The following CPNE8 variants were observed in gnomAD, a reference collection of about 807,000 sequenced individuals.
CPNE8 encodes copine 8, also known as copine-8.
CPNE8 carries 45 observed loss-of-function variants against 81.5 expected under a neutral mutation model. The ratio of observed to expected loss-of-function variants is 0.55; its 90% CI spans 0.44 to 0.71. CPNE8 has a LOEUF of 0.71. Ranked by LOEUF, CPNE8 falls within the 30% of genes least tolerant of loss-of-function variation. CPNE8 has a pLI of 0.00. For synonymous variants in CPNE8, 252 were observed against 226.3 expected, an observed-to-expected ratio of 1.11 and a Z score of -1.02; for missense variants, 594 against 672.1, an observed-to-expected ratio of 0.88 and a Z score of 1.28.
At chr12:38,901,456 T>G (rs1944460834) in intron 1 of CPNE8, among the ~76,000 whole-genome samples, 2 of 152,324 alleles carry the variant, frequency 1.3e-5, no homozygotes, top group Admixed American at 6.5e-5. Flanking sequence ...TGGGTTTACC[T>G]CATTCTATAG....
intron 6 of CPNE8, among the ~76,000 whole-genome samples, chr12:38,805,620 C>A (rs1181460657): frequency 9.5e-6 from 1 of 105,508 alleles, no homozygotes; most frequent in Non-Finnish European, 1.9e-5. Flanking sequence ...ATGTAACTAA[C>A]CTGCACAATG....
intron 6 of CPNE8, among the ~76,000 whole-genome samples, chr12:38,825,844 C>T (rs966049361): frequency 2.0e-5 from 3 of 152,164 alleles, no homozygotes; most frequent in Admixed American, 2.0e-4. Context: ...TCACTAGGTG[C>T]CTTAATTAAT....
At chr12:38,825,136 C>T (rs1418572971) in intron 6 of CPNE8, among the ~76,000 whole-genome samples, 3 of 152,142 alleles carry the variant, frequency 2.0e-5, no homozygotes, top group Non-Finnish European at 4.4e-5. Context: ...GTCATGCATT[C>T]ATAAATTTTA....
intron 4 of CPNE8, among the ~76,000 whole-genome samples, chr12:38,845,124 T>G (rs1002536959): frequency 1.3e-5 from 2 of 151,990 alleles, no homozygotes; most frequent in Non-Finnish European, 2.9e-5. Context: ...ATCCAAAACC[T>G]CAAGGACCTG....
chr12:38,707,912 C>T (rs1252330252), intron 13 of CPNE8, among the ~76,000 whole-genome samples: 2 of 152,186 alleles, frequency 1.3e-5, no homozygotes, highest in Non-Finnish European at 2.9e-5. Context: ...AAGCACTGTG[C>T]TATAGGATGA....
intron 10 of CPNE8, 23 bp from the exon 11 acceptor site, chr12:38,730,381 CATA>C (rs773863890): frequency 7.8e-7 from 1 of 1,289,556 alleles, no homozygotes; most frequent in African/African-American, 1.5e-5. Context: ...GAAAAAAGTA[CATA>C]ATATTGGCTT....
chr12:38,841,033 T>C (rs139192747), intron 4 of CPNE8, among the ~76,000 whole-genome samples: 119 of 152,298 alleles, frequency 7.8e-4, no homozygotes, highest in African/African-American at 2.7e-3. Flanking sequence ...CTCTCTCACA[T>C]AAGAATGTTC....
At chr12:38,761,118 CA>C (rs1941563190) in intron 9 of CPNE8, among the ~76,000 whole-genome samples, 1 of 152,152 alleles carries the variant, frequency 6.6e-6, no homozygotes, top group East Asian at 1.9e-4. Context: ...GGAGAGTCTA[CA>C]GGGGAAGCAT....
rs115338491 is a variant in CPNE8 at position 38,769,252 on chromosome 12, A to C, written c.472-1514T>G. On this transcript the variant is annotated intron_variant, in intron 7 of 19. Transcript: ENST00000331366. The stretch of plus-strand genomic sequence containing the variant: ...TTTACTTGTAGCATGTAGCTGTGAT[A>C]ACTTCTATCAGAGGAACATTTATAA... Among the ~76,000 whole-genome samples, 755 of 152,296 alleles carry C rather than the reference A, an allele frequency of 5.0e-3. 4 individuals carry two copies. The highest frequency in any genetic ancestry group is 0.017 in the African/African-American group (705 of 41,564).
chr12:38,682,746 C>A (rs565229730), intron 16 of CPNE8, among the ~76,000 whole-genome samples: 2 of 152,214 alleles, frequency 1.3e-5, no homozygotes, highest in African/African-American at 4.8e-5. Context: ...TAGTAATAGA[C>A]ACATGCATGG....
At chr12:38,802,945 A>T (rs1241025051) in intron 6 of CPNE8, among the ~76,000 whole-genome samples, 1 of 148,458 alleles carries the variant, frequency 6.7e-6, no homozygotes, top group Non-Finnish European at 1.5e-5. Context: ...CAGTCTCCCA[A>T]GACTAAACCA....
At chr12:38,822,387 G>A (rs1042711880) in intron 6 of CPNE8, among the ~76,000 whole-genome samples, 12 of 151,922 alleles carry the variant, frequency 7.9e-5, no homozygotes, top group South Asian at 6.2e-4. Context: ...GGTTTAACAC[G>A]GTCCTTTCCT....
At chr12:38,770,704 C>T (rs1941783571) in intron 7 of CPNE8, among the ~76,000 whole-genome samples, 1 of 152,168 alleles carries the variant, frequency 6.6e-6, no homozygotes, top group African/African-American at 2.4e-5. Flanking sequence ...CACCCCTGGC[C>T]ATCTCACATC....
chr12:38,778,238 G>T (rs944183016), intron 6 of CPNE8, among the ~76,000 whole-genome samples: 1 of 152,142 alleles, frequency 6.6e-6, no homozygotes, highest in Non-Finnish European at 1.5e-5. Flanking sequence ...GTACCAAAAA[G>T]GTTGGGGACT....
In CPNE8 at chr12:38,693,725, TTTTATCACTGTCATAATC is replaced by T; in HGVS notation, c.1057_1074del (p.Asp353_Lys358del). On this transcript the variant is annotated inframe_deletion, in exon 15 of 20. Transcript: ENST00000331366. ...GCACCAAATCCTAGAGCTGGAAACATTTTATCACTGTCATAATCTTGAACAATTTCTCCCACTGCTTTT... is the reference window on the plus strand; with the variant it reads ...GCACCAAATCCTAGAGCTGGAAACATTTGAACAATTTCTCCCACTGCTTTT... 1 of 1,613,682 alleles carries T rather than the reference TTTTATCACTGTCATAATC, an allele frequency of 6.2e-7. No individual in the cohort carries two copies. The highest frequency in any genetic ancestry group is 1.1e-5 in the South Asian group (1 of 91,040).
intron 3 of CPNE8, among the ~76,000 whole-genome samples, chr12:38,862,418 G>A (rs78758608): frequency 0.033 from 4,976 of 152,108 alleles, 256 homozygotes; most frequent in East Asian, 0.18. Context: ...CATCTTGTCA[G>A]CAACTTGTTT....
At chr12:38,875,959 C>G (rs548130518) in intron 1 of CPNE8, among the ~76,000 whole-genome samples, 2 of 152,228 alleles carry the variant, frequency 1.3e-5, no homozygotes, top group South Asian at 2.1e-4. Context: ...GGAATTCTCC[C>G]AATCCTTCCT....
At chr12:38,793,119 T>C (rs1294203366) in intron 6 of CPNE8, among the ~76,000 whole-genome samples, 1 of 151,838 alleles carries the variant, frequency 6.6e-6, no homozygotes, top group Admixed American at 6.6e-5. Context: ...GCAACCATTG[T>C]AGTCAATGGT....
At chr12:38,805,868 A>G (rs1942788546) in intron 6 of CPNE8, among the ~76,000 whole-genome samples, 1 of 149,682 alleles carries the variant, frequency 6.7e-6, no homozygotes, top group East Asian at 2.2e-4. Flanking sequence ...CAAGACTAAT[A>G]AAGAAGAAGA....
Sources: gnomAD v4.1 joint callset for allele counts (sites outside exome capture counted in the v4.1 genomes callset) on GRCh38, gnomAD v4.1.1 for gene constraint, MANE v1.5 for transcripts, NCBI Gene and HGNC (gene_info 2026-07-23, HGNC 2026-07-21) for gene names.